MACROD2: variants seen among roughly 807,000 people sequenced by gnomAD.
The protein encoded by MACROD2 is mono-ADP ribosylhydrolase 2.
Under a neutral mutation model 70.4 loss-of-function variants are expected in MACROD2, and 36 were observed. The ratio of observed to expected loss-of-function variants is 0.51; its 90% CI spans 0.39 to 0.68. The LOEUF is 0.68. Ranked by LOEUF, MACROD2 falls within the 30% of genes least tolerant of loss-of-function variation. The probability of loss-of-function intolerance (pLI) is 0.00; values close to 1 mark genes in which losing one functional copy is unlikely to be tolerated. For synonymous variants in MACROD2, 172 were observed against 178.8 expected (o/e 0.96, Z 0.30); for missense variants, 496 against 538.4 (o/e 0.92, Z 0.78).
intron 5 of MACROD2, among the ~76,000 whole-genome samples, chr20:14,795,867 A>G (rs1164802585): frequency 1.3e-5 from 2 of 152,044 alleles, no homozygotes; most frequent in Non-Finnish European, 2.9e-5. Flanking sequence ...AAGTCCTGTG[A>G]AAACCAGGAG....
At chr20:14,550,685 C>T (rs1978594256) in intron 4 of MACROD2, among the ~76,000 whole-genome samples, 1 of 152,184 alleles carries the variant, frequency 6.6e-6, no homozygotes, top group South Asian at 2.1e-4. Flanking sequence ...AACATAAGGG[C>T]TTTGGACTCT....
chr20:15,579,802 A>C (rs1349928292), intron 8 of MACROD2, among the ~76,000 whole-genome samples: 1 of 152,236 alleles, frequency 6.6e-6, no homozygotes, highest in Non-Finnish European at 1.5e-5. Flanking sequence ...TCCTAATGTG[A>C]ATATGGATAT....
chr20:14,072,043 CATAAAT>C (rs924413220), intron 2 of MACROD2, among the ~76,000 whole-genome samples: 12 of 152,146 alleles, frequency 7.9e-5, no homozygotes. Flanking sequence ...AAGAAGAAAA[CATAAAT>C]AGAAGATACA....
Position 13,995,784 on chromosome 20 carries a change from G to A in MACROD2, c.21G>A (p.Lys7=), listed in dbSNP as rs1287168516. 7.1e-7 allele frequency: 1 copy of A among 1,411,282 alleles called. No homozygotes were observed. Among genetic ancestry groups the A allele is most frequent in the African/African-American group, 1.5e-5 (1 of 67,974 alleles). 87.4% of individuals were successfully genotyped at this position (1,411,282 alleles called of 1,614,324 possible). Residue 7 remains lysine (K), a synonymous_variant, in exon 1 of 18, where the codon AAG becomes AAA. Transcript: ENST00000684519. The surrounding 1 kb of genome is among the most constrained non-coding windows in gnomAD (Gnocchi z 4.3). MYPSNK[K]KKVWREEKER... ...GCAACATGTACCCCAGCAACAAGAAGAAAAAGGTGTGGAGAGAGGAGAAAG... is the reference window on the plus strand; with the variant it reads ...GCAACATGTACCCCAGCAACAAGAAAAAAAAGGTGTGGAGAGAGGAGAAAG...
chr20:15,386,800 C>G (rs2045719426), intron 6 of MACROD2, among the ~76,000 whole-genome samples: 1 of 152,122 alleles, frequency 6.6e-6, no homozygotes, highest in Admixed American at 6.6e-5. Flanking sequence ...ATTAGAAAAT[C>G]AATTACTATT....
intron 15 of MACROD2, among the ~76,000 whole-genome samples, chr20:16,005,785 T>A (rs1392793612): frequency 6.6e-6 from 1 of 152,206 alleles, no homozygotes; most frequent in African/African-American, 2.4e-5. Flanking sequence ...GTGTCCTGCC[T>A]TTCCCAACAT....
chr20:15,536,436 A>C (rs1355751119), intron 8 of MACROD2, among the ~76,000 whole-genome samples: 1 of 152,186 alleles, frequency 6.6e-6, no homozygotes, highest in Non-Finnish European at 1.5e-5. Flanking sequence ...AGCATTCAAG[A>C]AATAAGGAAG....
At chr20:14,246,366 C>T (rs139941837) in intron 3 of MACROD2, among the ~76,000 whole-genome samples, 27 of 152,276 alleles carry the variant, frequency 1.8e-4, no homozygotes, top group Admixed American at 6.5e-4. Flanking sequence ...CAGGATAATA[C>T]GGGATGAAAT....
At chr20:14,103,070 T>G (rs946833195) in intron 3 of MACROD2, among the ~76,000 whole-genome samples, 1 of 152,188 alleles carries the variant, frequency 6.6e-6, no homozygotes, top group African/African-American at 2.4e-5. Flanking sequence ...TCAATCTGAC[T>G]TATCACTTTG....
intron 6 of MACROD2, among the ~76,000 whole-genome samples, chr20:15,329,802 A>G (rs2077972888): frequency 6.6e-6 from 1 of 152,052 alleles, no homozygotes; most frequent in Non-Finnish European, 1.5e-5. Context: ...CTGAAACAGA[A>G]ACGCTGATGG....
At chr20:15,649,401 G>T (rs996673611) in intron 8 of MACROD2, among the ~76,000 whole-genome samples, 1 of 151,782 alleles carries the variant, frequency 6.6e-6, no homozygotes, top group Non-Finnish European at 1.5e-5. Flanking sequence ...TTTCAAGAGC[G>T]CTCCAAGAGC....
At chr20:15,153,594 T>C (rs923312522) in intron 5 of MACROD2, among the ~76,000 whole-genome samples, 2 of 152,146 alleles carry the variant, frequency 1.3e-5, no homozygotes, top group African/African-American at 4.8e-5. Flanking sequence ...AATAAGATGA[T>C]TCCACATGAC....
At chr20:15,830,690 C>T (rs907437027) in intron 8 of MACROD2, among the ~76,000 whole-genome samples, 1 of 152,168 alleles carries the variant, frequency 6.6e-6, no homozygotes. Context: ...AATACCTTGT[C>T]CTGTGTTGTT....
intron 5 of MACROD2, among the ~76,000 whole-genome samples, chr20:15,121,186 A>G (rs572524436): frequency 1.3e-5 from 2 of 152,310 alleles, no homozygotes; most frequent in East Asian, 3.9e-4. Flanking sequence ...GAAGTACAGG[A>G]TAGGTAGTGC....
chr20:15,500,981 C>A (rs1267428533), intron 8 of MACROD2, among the ~76,000 whole-genome samples: 1 of 152,116 alleles, frequency 6.6e-6, no homozygotes, highest in Non-Finnish European at 1.5e-5. Flanking sequence ...ATTTTATTTT[C>A]TTTTCACAAC....
At chr20:15,450,142 A>G (rs1293637354) in intron 7 of MACROD2, among the ~76,000 whole-genome samples, 1 of 152,156 alleles carries the variant, frequency 6.6e-6, no homozygotes, top group Non-Finnish European at 1.5e-5. Flanking sequence ...AAGCATACAT[A>G]TACATTATAT....
At chr20:14,989,790 C>T (rs924929000) in intron 5 of MACROD2, among the ~76,000 whole-genome samples, 2 of 152,146 alleles carry the variant, frequency 1.3e-5, no homozygotes, top group African/African-American at 4.8e-5. Flanking sequence ...TCGGTCATAG[C>T]TTGGTCCACA....
chr20:14,517,710 G>T (rs1019287964), intron 4 of MACROD2, among the ~76,000 whole-genome samples: 1 of 152,118 alleles, frequency 6.6e-6, no homozygotes, highest in Admixed American at 6.5e-5. Flanking sequence ...TTGATGTATT[G>T]TATATAGGAT....
chr20:14,443,348 G>A (rs1232224147), intron 3 of MACROD2, among the ~76,000 whole-genome samples: 1 of 150,328 alleles, frequency 6.7e-6, no homozygotes, highest in Admixed American at 6.6e-5. Flanking sequence ...CCAGGCTGGA[G>A]TGCAGTGGCA....
Sources: allele counts gnomAD v4.1 joint callset (sites outside exome capture counted in the v4.1 genomes callset), GRCh38; gene constraint gnomAD v4.1.1; non-coding constraint Gnocchi (gnomAD v3.1); transcripts MANE v1.5; gene names NCBI Gene and HGNC (gene_info 2026-07-23, HGNC 2026-07-21).